The following SGCZ variants were observed in gnomAD, a reference collection of about 807,000 sequenced individuals.
The protein encoded by SGCZ is zeta-sarcoglycan.
SGCZ carries 40 observed loss-of-function variants against 41.3 expected under a neutral mutation model. That is an observed-to-expected ratio of 0.97 (90% CI 0.75 to 1.26). The LOEUF (loss-of-function observed/expected upper bound fraction) is 1.26, where lower values mean the gene tolerates loss of function less well. Ranked by LOEUF, SGCZ falls within the 50% of genes most tolerant of loss-of-function variation. The pLI is 0.00. For missense variants in SGCZ, 552 were observed against 369.8 expected (o/e 1.49, Z -4.04); for synonymous variants, 206 against 137.5 (o/e 1.50, Z -3.49).
At chr8:14,198,941 G>T (rs1454771550) in intron 4 of SGCZ, among the ~76,000 whole-genome samples, 1 of 152,142 alleles carries the variant, frequency 6.6e-6, no homozygotes, top group Non-Finnish European at 1.5e-5. Context: ...GTAAGCTGAG[G>T]ATGTATGTCG....
chr8:14,260,736 G>A (rs916350441), intron 3 of SGCZ, among the ~76,000 whole-genome samples: 3 of 152,126 alleles, frequency 2.0e-5, no homozygotes, highest in Admixed American at 6.5e-5. Context: ...AGAAAATGTG[G>A]CACATATACA....
At chr8:15,184,534 A>T (rs1800276199) in intron 1 of SGCZ, among the ~76,000 whole-genome samples, 1 of 123,918 alleles carries the variant, frequency 8.1e-6, no homozygotes, top group Non-Finnish European at 1.9e-5. Context: ...GTCCTACACC[A>T]GGCCTCGGGA....
chr8:15,178,675 A>G (rs935854977), intron 1 of SGCZ, among the ~76,000 whole-genome samples: 1 of 152,198 alleles, frequency 6.6e-6, no homozygotes, highest in African/African-American at 2.4e-5. Context: ...TCCTTTTAAC[A>G]TATTGGAGCT....
chr8:14,434,149 C>G (rs1012290039), intron 2 of SGCZ, among the ~76,000 whole-genome samples: 2 of 152,092 alleles, frequency 1.3e-5, no homozygotes, highest in African/African-American at 4.8e-5. Flanking sequence ...TTTGCATAAG[C>G]TGAGAGATGA....
chr8:14,818,533 G>T (rs184701324), intron 1 of SGCZ, among the ~76,000 whole-genome samples: 2 of 152,110 alleles, frequency 1.3e-5, no homozygotes, highest in African/African-American at 2.4e-5. Context: ...AAAAGTCAAG[G>T]AAACATGATG....
chr8:14,144,002 C>T (rs1004399707), intron 5 of SGCZ, among the ~76,000 whole-genome samples: 16 of 152,148 alleles, frequency 1.1e-4, no homozygotes, highest in African/African-American at 3.9e-4. Flanking sequence ...AACTTCACCA[C>T]CAAGGGATAC....
At chr8:14,295,959 G>T (rs1800997845) in intron 3 of SGCZ, among the ~76,000 whole-genome samples, 1 of 152,168 alleles carries the variant, frequency 6.6e-6, no homozygotes, top group Admixed American at 6.5e-5. Flanking sequence ...TGCAAAGGCT[G>T]TCAGAGAACA....
chr8:14,847,670 G>A (rs1329217848), intron 1 of SGCZ, among the ~76,000 whole-genome samples: 1 of 129,640 alleles, frequency 7.7e-6, no homozygotes, highest in African/African-American at 2.9e-5. Flanking sequence ...AGGGAAGGAA[G>A]GAAAGATGGA....
chr8:15,107,128 T>G (rs1192280255), intron 1 of SGCZ, among the ~76,000 whole-genome samples: 1 of 152,202 alleles, frequency 6.6e-6, no homozygotes, highest in Non-Finnish European at 1.5e-5. Context: ...TATTACTTTA[T>G]AGGGATTCAT....
chr8:14,750,459 G>C (rs564236387), intron 1 of SGCZ, among the ~76,000 whole-genome samples: 1 of 152,132 alleles, frequency 6.6e-6, no homozygotes, highest in East Asian at 1.9e-4. Flanking sequence ...TTAATAGGTA[G>C]AAAAATCTAA....
intron 1 of SGCZ, among the ~76,000 whole-genome samples, chr8:14,621,094 GA>G (rs1563158904): frequency 6.6e-6 from 1 of 152,004 alleles, no homozygotes; most frequent in Non-Finnish European, 1.5e-5. Flanking sequence ...ATACACCATG[GA>G]ATACTATGCA....
chr8:14,856,484 T>C (rs1585322439), intron 1 of SGCZ, among the ~76,000 whole-genome samples: 1 of 152,158 alleles, frequency 6.6e-6, no homozygotes, highest in Non-Finnish European at 1.5e-5. Flanking sequence ...TTTTCCACAC[T>C]CAGCTTGGCA....
chr8:14,123,202 T>C (rs1283227091), intron 5 of SGCZ, among the ~76,000 whole-genome samples: 1 of 152,188 alleles, frequency 6.6e-6, no homozygotes, highest in Non-Finnish European at 1.5e-5. Context: ...AAAGGGGTGA[T>C]GAGTAAACAG....
At chr8:14,571,630 C>G (rs992114897) in intron 1 of SGCZ, among the ~76,000 whole-genome samples, 1 of 152,118 alleles carries the variant, frequency 6.6e-6, no homozygotes, top group Non-Finnish European at 1.5e-5. Flanking sequence ...TCTCCAGAGG[C>G]TTCGAGCTCT....
chr8:14,693,726 G>A, intron 1 of SGCZ, among the ~76,000 whole-genome samples: 1 of 151,374 alleles, frequency 6.6e-6, no homozygotes, highest in East Asian at 1.9e-4. Context: ...AAGTAGCTGG[G>A]ACTACAGGCG....
intron 1 of SGCZ, among the ~76,000 whole-genome samples, chr8:15,210,582 T>C (rs1477330600): frequency 1.3e-5 from 2 of 152,154 alleles, no homozygotes; most frequent in East Asian, 3.9e-4. Flanking sequence ...TTGTAACCAC[T>C]CACTTTCACT....
intron 2 of SGCZ, among the ~76,000 whole-genome samples, chr8:14,505,999 T>C (rs903682736): frequency 3.9e-5 from 6 of 152,080 alleles, no homozygotes; most frequent in Admixed American, 2.6e-4. Context: ...CCAAACATAC[T>C]TTCTCATTCT....
chr8:14,217,779 A>T (rs1352155768), intron 4 of SGCZ, among the ~76,000 whole-genome samples: 1 of 151,758 alleles, frequency 6.6e-6, no homozygotes, highest in Non-Finnish European at 1.5e-5. Flanking sequence ...ACAGGTGAAC[A>T]CCACCACGCC....
rs576566076 is a variant in SGCZ at position 14,566,698 on chromosome 8, T to C, written c.40-11772A>G. ...GCCCTCGCTCGCTCTCGGCACCTCC[T>C]CGGCCTTGGCGCCCACTCTGGCCGT... On this transcript the variant is annotated intron_variant, in intron 1 of 7. Transcript: ENST00000382080. Among the ~76,000 whole-genome samples the C allele has an allele frequency of 9.8e-5, 15 of 152,330 alleles. No individual in the cohort carries two copies. In the East Asian group the frequency reaches 2.9e-3, roughly 29 times the overall value.
Sources: allele counts gnomAD v4.1 joint callset (sites outside exome capture counted in the v4.1 genomes callset), GRCh38; gene constraint gnomAD v4.1.1; transcripts MANE v1.5; gene names NCBI Gene and HGNC (gene_info 2026-07-23, HGNC 2026-07-21).